PRMT2: variants seen among roughly 807,000 people sequenced by gnomAD.
PRMT2 encodes protein arginine methyltransferase 2, also known as protein arginine N-methyltransferase 2.
PRMT2 carries 26 observed loss-of-function variants against 57.6 expected under a neutral mutation model. That is an observed-to-expected ratio of 0.45 (90% confidence interval 0.33 to 0.63). PRMT2 has a LOEUF of 0.63. PRMT2 is among the 20% of genes least tolerant of loss of function. PRMT2 has a pLI of 0.02. For synonymous variants in PRMT2, 219 were observed against 220.0 expected (o/e 1.00, Z 0.04); for missense variants, 472 against 564.4 (o/e 0.84, Z 1.66).
chr21:46,661,946 CGG>C lies in PRMT2; in HGVS notation c.1097+13_1097+14del. 1.2e-5 allele frequency: 6 copies of C among 484,302 alleles called. No homozygotes were observed. Among genetic ancestry groups the C allele is most frequent in the Non-Finnish European group, 1.7e-5 (6 of 358,658 alleles). The allele number at this position is 484,302 out of a possible 1,614,324, so 30.0% of individuals were successfully genotyped here. ...CCGGGCCCTTCCACCCGTGAGTGTGCGGGGCGCGGGCACGGGGTGCGGGGTGG... is the reference window on the plus strand; with the variant it reads ...CCGGGCCCTTCCACCCGTGAGTGTGCGGCGCGGGCACGGGGTGCGGGGTGG... On this transcript the variant is annotated intron_variant, in intron 10 of 11. Transcript: ENST00000355680.
chr21:46,645,691 GC>G (rs1453791366), intron 5 of PRMT2, among the ~76,000 whole-genome samples: 1 of 151,908 alleles, frequency 6.6e-6, no homozygotes, highest in African/African-American at 2.4e-5. Flanking sequence ...AAGTTAAGAG[GC>G]CATATTAGAA....
chr21:46,636,667 A>G (rs2061177186), intron 2 of PRMT2, 120 bp downstream of exon 2: 1 of 413,728 alleles, frequency 2.4e-6, no homozygotes, highest in Admixed American at 4.3e-5. Context: ...CAAATGAACA[A>G]GATTAACACC....
intron 7 of PRMT2, among the ~76,000 whole-genome samples, chr21:46,656,095 G>A (rs1179627875): frequency 1.3e-5 from 2 of 152,082 alleles, no homozygotes; most frequent in African/African-American, 4.8e-5. Context: ...ATAGATGAAT[G>A]CCCTTCCTCG....
chr21:46,651,866 G>A lies in PRMT2; in HGVS notation c.654+2127G>A, dbSNP rs374324960. 37 of 1,612,992 alleles carry A rather than the reference G, an allele frequency of 2.3e-5. No homozygotes were observed. In the African/African-American group the frequency reaches 4.1e-4, roughly 18 times the overall value. On this transcript the variant is annotated intron_variant, in intron 7 of 11. Transcript: ENST00000355680. ...CACCTGTGCGTCTGGCCCTCTTCACGTCCTCCTGGCCTGCTGTCTGCCTCT... is the reference window on the plus strand; with the variant it reads ...CACCTGTGCGTCTGGCCCTCTTCACATCCTCCTGGCCTGCTGTCTGCCTCT...
chr21:46,641,663 G>T (rs1373143985), intron 3 of PRMT2, among the ~76,000 whole-genome samples: 1 of 152,040 alleles, frequency 6.6e-6, no homozygotes, highest in African/African-American at 2.4e-5. Flanking sequence ...CTGCACTCCA[G>T]CCTAGGCGAC....
intron 11 of PRMT2, 103 bp downstream of exon 11, chr21:46,663,657 C>A: frequency 1.6e-6 from 2 of 1,226,760 alleles, no homozygotes; most frequent in South Asian, 1.4e-5. Context: ...CACTGGGGTC[C>A]ACGCCTTTTG....
Position 46,656,516 on chromosome 21 carries a change from G to A in PRMT2, c.655-2229G>A, listed in dbSNP as rs545995905. 5.3e-5 allele frequency among the ~76,000 whole-genome samples: 8 copies of A among 152,230 alleles called. No individual in the cohort carries two copies. In the South Asian group the frequency reaches 1.2e-3, roughly 24 times the overall value. Reference sequence around the variant, plus strand: ...ACACGTAAGTCAATGGAATGGAGACGAGAGATTTCTACAAATATGGTCAAT... The same window carrying A: ...ACACGTAAGTCAATGGAATGGAGACAAGAGATTTCTACAAATATGGTCAAT... On this transcript the variant is annotated intron_variant, in intron 7 of 11. Transcript: ENST00000355680.
chr21:46,642,190 A>G (rs1295375462), intron 3 of PRMT2, among the ~76,000 whole-genome samples: 1 of 152,196 alleles, frequency 6.6e-6, no homozygotes, highest in African/African-American at 2.4e-5. Flanking sequence ...GTTCACATTC[A>G]GAGACTTACC....
At chr21:46,642,820 C>T (rs1423945579) in intron 3 of PRMT2, among the ~76,000 whole-genome samples, 3 of 152,036 alleles carry the variant, frequency 2.0e-5, no homozygotes, top group Admixed American at 6.6e-5. Flanking sequence ...CTGAGGATTT[C>T]GAGGCCAACC....
intron 10 of PRMT2, among the ~76,000 whole-genome samples, 155 bp downstream of exon 10, chr21:46,662,091 C>T (rs2061637355): frequency 6.7e-6 from 1 of 149,728 alleles, no homozygotes; most frequent in African/African-American, 2.5e-5. Context: ...GGGGGCGGCG[C>T]GCATGGGGGC....
At chr21:46,643,336 T>C in intron 3 of PRMT2, 199 bp from the exon 4 acceptor site, 1 of 1,084,300 alleles carries the variant, frequency 9.2e-7, no homozygotes, top group Non-Finnish European at 1.2e-6. Context: ...CCAGATAATT[T>C]TTTTTTTTAG....
intron 10 of PRMT2, among the ~76,000 whole-genome samples, chr21:46,663,004 G>A (rs1601959772): frequency 6.6e-6 from 1 of 152,116 alleles, no homozygotes; most frequent in Non-Finnish European, 1.5e-5. Flanking sequence ...GACACCACAC[G>A]GGACCTTTAG....
rs767701847 is a variant in PRMT2, at chr21:46,644,513, C to G, written c.327+25C>G. ...GGTATTGCTTTCTAAATTCCCTGTT[C>G]AGCTGGCCAGGCGGTGGGTTCTCTC... On this transcript the variant is annotated intron_variant, in intron 5 of 11. Transcript: ENST00000355680. The G allele has an allele frequency of 5.1e-6, 8 of 1,557,710 alleles. No homozygotes were observed. In the African/African-American group the frequency reaches 1.1e-4, roughly 22 times the overall value.
intron 7 of PRMT2, chr21:46,653,325 GAATTT>G: frequency 1.0e-6 from 1 of 985,424 alleles, no homozygotes; most frequent in Non-Finnish European, 1.2e-6. Context: ...TGGCCAGTAA[GAATTT>G]AATTTCATAC....
chr21:46,653,671 T>G, intron 7 of PRMT2: 2 of 1,256,232 alleles, frequency 1.6e-6, no homozygotes, highest in African/African-American at 1.6e-5. Context: ...GGAGCTCATG[T>G]AGATCATTTT....
intron 7 of PRMT2, among the ~76,000 whole-genome samples, chr21:46,650,385 A>T (rs1374468665): frequency 6.6e-6 from 1 of 152,112 alleles, no homozygotes; most frequent in Non-Finnish European, 1.5e-5. Context: ...ACCCAGAAAG[A>T]TGGGGTCTGG....
intron 1 of PRMT2, chr21:46,636,142 C>T (rs1332878317): frequency 2.0e-5 from 3 of 152,806 alleles, no homozygotes; most frequent in Non-Finnish European, 4.4e-5. Flanking sequence ...CACGCGTGGC[C>T]CTCTCGCTTC....
chr21:46,661,767 G>A (rs957797833), intron 9 of PRMT2, 33 bp from the exon 10 acceptor site: 1 of 1,315,580 alleles, frequency 7.6e-7, no homozygotes, highest in South Asian at 2.1e-5. Context: ...GCCACGCGGT[G>A]CCCACGCGTG....
chr21:46,640,717 T>A (rs2061257579), intron 3 of PRMT2, among the ~76,000 whole-genome samples: 1 of 151,730 alleles, frequency 6.6e-6, no homozygotes, highest in Non-Finnish European at 1.5e-5. Flanking sequence ...TTTTTTTTTT[T>A]AATTTTGGAA....
Sources: gnomAD v4.1 joint callset for allele counts (sites outside exome capture counted in the v4.1 genomes callset) on GRCh38, gnomAD v4.1.1 for gene constraint, MANE v1.5 for transcripts, NCBI Gene and HGNC (gene_info 2026-07-23, HGNC 2026-07-21) for gene names.